Variants in NALCN observed in about 807,000 individuals in gnomAD.
NALCN encodes the protein sodium leak channel, non-selective, also known as sodium leak channel NALCN.
In NALCN, 111 loss-of-function variants were observed where a neutral mutation model predicts 225.3. That is an observed-to-expected ratio of 0.49 (90% CI 0.42 to 0.58). The LOEUF (loss-of-function observed/expected upper bound fraction) is 0.58. Among genes scored for constraint, NALCN ranks in the 20% least tolerant of loss-of-function variants. NALCN has a pLI of 0.00. For missense variants in NALCN, 1,378 were observed against 2,202.4 expected (o/e 0.63, Z 7.49); for synonymous variants, 764 against 769.0 (o/e 0.99, Z 0.11).
At chr13:101,212,115 C>T (rs1168825071) in intron 13 of NALCN, among the ~76,000 whole-genome samples, 1 of 152,128 alleles carries the variant, frequency 6.6e-6, no homozygotes, top group African/African-American at 2.4e-5. Flanking sequence ...TCCCTCCATG[C>T]CTGTGATTCT....
At chr13:101,097,785 C>G (rs1419110535) in intron 27 of NALCN, among the ~76,000 whole-genome samples, 1 of 152,176 alleles carries the variant, frequency 6.6e-6, no homozygotes, top group Admixed American at 6.6e-5. Context: ...CCAGGCATTT[C>G]AGGCACTTGA....
chr13:101,080,967 CT>C (rs2033615566), intron 34 of NALCN, among the ~76,000 whole-genome samples: 1 of 151,854 alleles, frequency 6.6e-6, no homozygotes, highest in South Asian at 2.1e-4. Flanking sequence ...GGTGAAGGCA[CT>C]TTAGGTAAAA....
intron 13 of NALCN, among the ~76,000 whole-genome samples, chr13:101,226,594 C>T (rs1326024413): frequency 6.6e-6 from 1 of 152,164 alleles, no homozygotes; most frequent in Non-Finnish European, 1.5e-5. Flanking sequence ...ATCATTTTGG[C>T]TTGCCTCCCT....
chr13:101,188,087 A>G (rs891579798), intron 14 of NALCN, among the ~76,000 whole-genome samples: 1 of 152,210 alleles, frequency 6.6e-6, no homozygotes, highest in Admixed American at 6.5e-5. Flanking sequence ...GGCACGATAC[A>G]TAAATGTATT....
At position 101,104,219 on chromosome 13, in the gene NALCN, T is replaced by C; in HGVS notation, c.2889+76A>G. ...CTAAGCCTCTGTAACTCATACCTCT[T>C]GCGCTTATACCAAGAAATGCAGGAG... On this transcript the variant is annotated intron_variant, in intron 25 of 43. Transcript: ENST00000251127. This position sits in a 1 kb window ranked among gnomAD's most constrained non-coding sequence, Gnocchi z 4.2. 1 of 1,522,508 alleles carries C rather than the reference T, an allele frequency of 6.6e-7. No homozygotes were observed. The highest frequency in any genetic ancestry group is 8.8e-7 in the Non-Finnish European group (1 of 1,135,544). The allele number at this position is 1,522,508 out of a possible 1,614,324, so 94.3% of individuals were successfully genotyped here.
At chr13:101,380,839 G>T (rs377669830) in intron 3 of NALCN, among the ~76,000 whole-genome samples, 12 of 144,608 alleles carry the variant, frequency 8.3e-5, no homozygotes, top group Admixed American at 5.6e-4. Context: ...TACATTAGAG[G>T]ATATATAATG....
intron 18 of NALCN, among the ~76,000 whole-genome samples, chr13:101,122,379 G>C (rs2036020940): frequency 6.6e-6 from 1 of 152,030 alleles, no homozygotes; most frequent in Non-Finnish European, 1.5e-5. Flanking sequence ...GTAGTTTTAA[G>C]GTGCTGCCTC....
chr13:101,365,889 T>C lies in NALCN; in HGVS notation c.644+10811A>G, dbSNP rs142010554. On this transcript the variant is annotated intron_variant, in intron 6 of 43. Coordinates refer to ENST00000251127, the MANE Select transcript of NALCN (RefSeq NM_052867.4). Reference sequence around the variant, plus strand: ...TATTAAACTTTCATATATTTAATGGTTACACTTACTTACCTTAAAGTTTTT... The same window carrying C: ...TATTAAACTTTCATATATTTAATGGCTACACTTACTTACCTTAAAGTTTTT... Among the ~76,000 whole-genome samples, 226 of 152,318 alleles carry C rather than the reference T, an allele frequency of 1.5e-3. 1 individual carries two copies. The highest frequency in any genetic ancestry group is 5.1e-3 in the African/African-American group (211 of 41,578).
At chr13:101,208,843 C>T (rs2040419666) in intron 13 of NALCN, among the ~76,000 whole-genome samples, 1 of 152,230 alleles carries the variant, frequency 6.6e-6, no homozygotes. Context: ...TGGAAGCTTG[C>T]TGAGGCCTCA....
Position 101,325,546 on chromosome 13 carries a change from G to C in NALCN, c.799+19720C>G, listed in dbSNP as rs977583623. 5.5e-4 allele frequency among the ~76,000 whole-genome samples: 83 copies of C among 152,282 alleles called. 1 individual carries two copies. Among genetic ancestry groups the C allele is most frequent in the African/African-American group, 1.9e-3 (79 of 41,548 alleles). Reference sequence around the variant, plus strand: ...TCTTCCCAGGTCCCATTTTCAGGGGGCAAAGGGCCTCTTAAGCCCTCCTCA... The same window carrying C: ...TCTTCCCAGGTCCCATTTTCAGGGGCCAAAGGGCCTCTTAAGCCCTCCTCA... On this transcript the variant is annotated intron_variant, in intron 7 of 43. Coordinates refer to ENST00000251127, the MANE Select transcript of NALCN (RefSeq NM_052867.4).
chr13:101,300,210 G>T (rs1267808252), intron 7 of NALCN, among the ~76,000 whole-genome samples: 1 of 152,118 alleles, frequency 6.6e-6, no homozygotes, highest in Non-Finnish European at 1.5e-5. Flanking sequence ...AAAGCAGCTA[G>T]AACTAAATTA....
At chr13:101,197,190 T>C (rs924512535) in intron 13 of NALCN, among the ~76,000 whole-genome samples, 2 of 152,186 alleles carry the variant, frequency 1.3e-5, no homozygotes, top group South Asian at 2.1e-4. Flanking sequence ...AATTTGAGTA[T>C]ACGGTTTCGT....
At chr13:101,368,851 C>T (rs1348034871) in intron 6 of NALCN, 1 of 175,596 alleles carries the variant, frequency 5.7e-6, no homozygotes, top group African/African-American at 2.4e-5. Context: ...GCTAAAAATA[C>T]AAAAATTACC....
intron 13 of NALCN, among the ~76,000 whole-genome samples, chr13:101,193,893 G>A (rs183217882): frequency 1.3e-4 from 20 of 152,124 alleles, no homozygotes; most frequent in African/African-American, 3.6e-4. Context: ...TGAAGGTATC[G>A]GTGTGAAAAC....
chr13:101,124,278 T>G (rs75145888), intron 18 of NALCN, among the ~76,000 whole-genome samples: 2,825 of 152,268 alleles, frequency 0.019, 101 homozygotes, highest in African/African-American at 0.065. Context: ...CATTTATCCT[T>G]TAGATTGCAA....
intron 15 of NALCN, among the ~76,000 whole-genome samples, chr13:101,153,360 G>A (rs893711378): frequency 6.6e-6 from 1 of 151,946 alleles, no homozygotes; most frequent in Non-Finnish European, 1.5e-5. Flanking sequence ...TATGAATGGG[G>A]TGACACATAT....
chr13:101,112,996 TA>T (rs1230357101), intron 18 of NALCN, among the ~76,000 whole-genome samples: 1 of 152,168 alleles, frequency 6.6e-6, no homozygotes, highest in African/African-American at 2.4e-5. Context: ...TTTAAGTCCT[TA>T]AAAATGTTTT....
chr13:101,253,779 A>C (rs2042131504), intron 11 of NALCN, among the ~76,000 whole-genome samples: 1 of 152,192 alleles, frequency 6.6e-6, no homozygotes, highest in Non-Finnish European at 1.5e-5. Flanking sequence ...AGACACACTC[A>C]CTTTTGTACA....
intron 10 of NALCN, among the ~76,000 whole-genome samples, chr13:101,280,521 C>T (rs563965664): frequency 1.3e-5 from 2 of 152,282 alleles, no homozygotes; most frequent in African/African-American, 4.8e-5. Flanking sequence ...GGCTGACTTG[C>T]CTCCTAATTT....
Sources: gnomAD v4.1 joint callset for allele counts (sites outside exome capture counted in the v4.1 genomes callset) on GRCh38, gnomAD v4.1.1 for gene constraint, Gnocchi (gnomAD v3.1) non-coding constraint, MANE v1.5 for transcripts, NCBI Gene and HGNC (gene_info 2026-07-23, HGNC 2026-07-21) for gene names.